The following ASCC3 variants were observed in gnomAD, a reference collection of about 807,000 sequenced individuals.
ASCC3 encodes the protein ASC-1 complex subunit P200.
Under a neutral mutation model 256.3 loss-of-function variants are expected in ASCC3, and 158 were observed. That is an observed-to-expected ratio of 0.62 (90% CI 0.54 to 0.70). The LOEUF (loss-of-function observed/expected upper bound fraction) is 0.70. Ranked by LOEUF, ASCC3 falls within the 30% of genes least tolerant of loss-of-function variation. ASCC3 has a pLI of 0.00. For missense variants in ASCC3, 2,259 were observed against 2,626.0 expected (o/e 0.86, Z 3.05); for synonymous variants, 948 against 883.4 (o/e 1.07, Z -1.30).
intron 30 of ASCC3, among the ~76,000 whole-genome samples, chr6:100,622,652 CAATTAT>C (rs1036954833): frequency 3.3e-5 from 5 of 151,358 alleles, no homozygotes; most frequent in Non-Finnish European, 7.4e-5. Flanking sequence ...AAAAATAATA[CAATTAT>C]AACAAATATT....
intron 22 of ASCC3, among the ~76,000 whole-genome samples, chr6:100,646,329 A>G (rs1775377502): frequency 6.6e-6 from 1 of 151,946 alleles, no homozygotes; most frequent in Non-Finnish European, 1.5e-5. Context: ...TATTTTTTTG[A>G]GACAGAGTCT....
At chr6:100,783,241 T>G (rs570287371) in intron 8 of ASCC3, among the ~76,000 whole-genome samples, 6 of 152,306 alleles carry the variant, frequency 3.9e-5, no homozygotes, top group Admixed American at 1.3e-4. Flanking sequence ...CTCAGTGTTC[T>G]TCCCAGCGTT....
At position 100,805,784 on chromosome 6, in the gene ASCC3, C is replaced by T. The variant is rs773547897; in HGVS notation, c.898G>A (p.Asp300Asn). The T allele has an allele frequency of 1.1e-5, 17 of 1,611,148 alleles. No individual in the cohort carries two copies. The South Asian group carries it at 1.3e-4, about 12-fold the overall frequency. ...CCTTGAAGAGCCTGAAACCTATGATCATTTGAAGAATTAAGAAATCTATCC... is the reference window on the plus strand; with the variant it reads ...CCTTGAAGAGCCTGAAACCTATGATTATTTGAAGAATTAAGAAATCTATCC... ...IVDRFLNSSN[D>N]HRFQALQDNC... Residue 300 changes from aspartate (D) to asparagine (N), a missense_variant, in exon 5 of 42, where the codon GAT becomes AAT. Asp to Asn is a conservative substitution (Grantham distance 23). This residue lies in a region of ASCC3 where 420 missense variants were observed against 419.3 expected (regional missense o/e 1.00). Transcript: ENST00000369162.
chr6:100,847,842 T>A (rs1772455907), intron 4 of ASCC3, among the ~76,000 whole-genome samples: 1 of 152,162 alleles, frequency 6.6e-6, no homozygotes, highest in South Asian at 2.1e-4. Context: ...AATATATTAC[T>A]CATTCAATTT....
Position 100,791,624 on chromosome 6 carries a change from T to C in ASCC3, c.1395+7089A>G, listed in dbSNP as rs115632019. On this transcript the variant is annotated intron_variant, in intron 8 of 41. Coordinates refer to ENST00000369162, the MANE Select transcript of ASCC3 (RefSeq NM_006828.4). ...GAAGTCTTCATTAACAGCCATACTCTGCAATGATCCCAGTAACCTTGTTCT... is the reference window on the plus strand; with the variant it reads ...GAAGTCTTCATTAACAGCCATACTCCGCAATGATCCCAGTAACCTTGTTCT... 4.4e-3 allele frequency among the ~76,000 whole-genome samples: 669 copies of C among 152,142 alleles called. 7 individuals carry two copies. The highest frequency in any genetic ancestry group is 0.015 in the African/African-American group (630 of 41,574).
chr6:100,678,073 A>C (rs1477755129), intron 14 of ASCC3, among the ~76,000 whole-genome samples: 3 of 152,146 alleles, frequency 2.0e-5, no homozygotes, highest in African/African-American at 7.2e-5. Context: ...GATTGTAAGG[A>C]TTGAATGAGT....
intron 40 of ASCC3, 125 bp downstream of exon 40, chr6:100,512,584 T>G: frequency 9.7e-7 from 1 of 1,027,578 alleles, no homozygotes; most frequent in South Asian, 1.3e-5. Flanking sequence ...TCTCGCTGCT[T>G]AAGACCAGTT....
chr6:100,813,015 C>G (rs1770554718), intron 4 of ASCC3, among the ~76,000 whole-genome samples: 1 of 151,842 alleles, frequency 6.6e-6, no homozygotes, highest in South Asian at 2.1e-4. Context: ...TTAAGAGAAT[C>G]AGAAAAAGGT....
intron 14 of ASCC3, among the ~76,000 whole-genome samples, chr6:100,670,502 T>C (rs1372636918): frequency 6.6e-6 from 1 of 151,606 alleles, no homozygotes; most frequent in Non-Finnish European, 1.5e-5. Context: ...TTATACTGTA[T>C]TGTTTAGGGA....
At chr6:100,835,345 C>T (rs919814488) in intron 4 of ASCC3, among the ~76,000 whole-genome samples, 58 of 151,988 alleles carry the variant, frequency 3.8e-4, no homozygotes, top group African/African-American at 1.3e-3. Flanking sequence ...CAAAAAAACC[C>T]TTACACAGAT....
chr6:100,552,296 TA>T (rs1408893405), intron 36 of ASCC3, among the ~76,000 whole-genome samples: 2 of 151,956 alleles, frequency 1.3e-5, no homozygotes, highest in Non-Finnish European at 2.9e-5. Flanking sequence ...CTATGTAAAA[TA>T]AAATTTAATT....
At chr6:100,575,872 T>C (rs1340761175) in intron 36 of ASCC3, among the ~76,000 whole-genome samples, 2 of 152,196 alleles carry the variant, frequency 1.3e-5, no homozygotes, top group African/African-American at 4.8e-5. Flanking sequence ...AGTTTTAAAA[T>C]AGACTACCTT....
chr6:100,718,350 C>G, intron 11 of ASCC3, 99 bp from the exon 12 acceptor site: 1 of 990,986 alleles, frequency 1.0e-6, no homozygotes, highest in Non-Finnish European at 1.5e-6. Context: ...AAACTCTAGA[C>G]AGAGATGAGT....
chr6:100,645,441 T>G (rs1775332931), intron 22 of ASCC3, among the ~76,000 whole-genome samples: 1 of 152,090 alleles, frequency 6.6e-6, no homozygotes, highest in Non-Finnish European at 1.5e-5. Context: ...AGAATTGGGT[T>G]AAAACCATGG....
At chr6:100,863,154 T>C (rs1470910012) in intron 3 of ASCC3, among the ~76,000 whole-genome samples, 1 of 152,224 alleles carries the variant, frequency 6.6e-6, no homozygotes, top group African/African-American at 2.4e-5. Context: ...ATTATGCTTT[T>C]TAGTTATCAG....
intron 5 of ASCC3, among the ~76,000 whole-genome samples, chr6:100,805,147 T>C (rs1156696045): frequency 6.6e-6 from 1 of 152,168 alleles, no homozygotes; most frequent in Non-Finnish European, 1.5e-5. Context: ...ACATAACAGC[T>C]GTCATTTTAC....
In ASCC3 at chr6:100,646,617, G is replaced by A. The variant is rs372947820; in HGVS notation, c.3631C>T (p.Gln1211Ter). The A allele has an allele frequency of 3.5e-5, 56 of 1,613,874 alleles. No homozygotes were observed. Among genetic ancestry groups the A allele is most frequent in the Non-Finnish European group, 4.3e-5 (51 of 1,179,958 alleles). ...SIYADFTWND[Q>*]VHGTVGEPWW... ...ATATAGCCGTTTTCCACTTCTACCTGATCATTCCAAGTGAAATCAGCATAG... is the reference window on the plus strand; with the variant it reads ...ATATAGCCGTTTTCCACTTCTACCTAATCATTCCAAGTGAAATCAGCATAG... Residue 1211 changes from glutamine to a stop codon, truncating the protein, a stop_gained and splice_region_variant, in exon 22 of 42, where the codon CAG becomes TAG. Coordinates refer to ENST00000369162, the MANE Select transcript of ASCC3 (RefSeq NM_006828.4). LOFTEE classifies it high-confidence loss of function.
chr6:100,849,272 C>T (rs906661750), intron 3 of ASCC3, among the ~76,000 whole-genome samples: 2 of 152,166 alleles, frequency 1.3e-5, no homozygotes, highest in Non-Finnish European at 2.9e-5. Flanking sequence ...ACAATCCTTA[C>T]AGCTTCTTTC....
At chr6:100,658,298 T>C (rs1776018098) in intron 16 of ASCC3, among the ~76,000 whole-genome samples, 1 of 151,538 alleles carries the variant, frequency 6.6e-6, no homozygotes, top group South Asian at 2.1e-4. Flanking sequence ...ACGAATTTGG[T>C]AATTTAGAAA....
Sources: gnomAD v4.1 joint callset for allele counts (sites outside exome capture counted in the v4.1 genomes callset) on GRCh38, gnomAD v4.1.1 for gene constraint, gnomAD v4.1.1 regional missense constraint, MANE v1.5 for transcripts, NCBI Gene and HGNC (gene_info 2026-07-23, HGNC 2026-07-21) for gene names.